Variants in CLEC5A observed in about 807,000 individuals in gnomAD.
CLEC5A encodes C-type lectin domain containing 5A.
Under a neutral mutation model 24.4 loss-of-function variants are expected in CLEC5A, and 15 were observed. The ratio of observed to expected loss-of-function variants is 0.62; its 90% confidence interval spans 0.41 to 0.95. The LOEUF (loss-of-function observed/expected upper bound fraction) is 0.95. Among genes scored for constraint, CLEC5A ranks in the 40% least tolerant of loss-of-function variants. The pLI is 0.00. For missense variants in CLEC5A, 211 were observed against 224.0 expected (o/e 0.94, Z 0.37); for synonymous variants, 71 against 72.6 (o/e 0.98, Z 0.11).
chr7:141,936,180 TC>T, intron 4 of CLEC5A: 1 of 527,218 alleles, frequency 1.9e-6, no homozygotes, highest in East Asian at 3.4e-5. Context: ...CCATTAGTCA[TC>T]CCCCTACAGG....
intron 1 of CLEC5A, 150 bp downstream of exon 1, chr7:141,946,657 C>T (rs902269002): frequency 9.5e-6 from 2 of 210,168 alleles, no homozygotes; most frequent in African/African-American, 2.3e-5. Context: ...TCCCAAGGAC[C>T]TTAGTCTGTA....
At chr7:141,933,575 C>CATATATATATATATATATAT (rs3043785) in intron 5 of CLEC5A, among the ~76,000 whole-genome samples, 4 of 115,238 alleles carry the variant, frequency 3.5e-5, no homozygotes, top group African/African-American at 1.7e-4. Context: ...AGGGAGCAGG[C>CATATATATATATATATATAT]ATATATATAT....
chr7:141,945,409 A>G lies in CLEC5A; in HGVS notation c.80-9T>C. On this transcript the variant is annotated splice_polypyrimidine_tract_variant and intron_variant, in intron 2 of 6. Transcript: ENST00000546910. ...GTTAAAAATCTGTGGGACTGAAAAG[A>G]AAATCAGCTGTTGGCTCAGCCCCAA... is the stretch of plus-strand genomic sequence containing the variant. 6.2e-7 allele frequency: 1 copy of G among 1,608,890 alleles called. No homozygotes were observed. The highest frequency in any genetic ancestry group is 2.2e-5 in the East Asian group (1 of 44,820).
intron 4 of CLEC5A, chr7:141,936,179 A>C: frequency 1.9e-6 from 1 of 534,148 alleles, no homozygotes; most frequent in Non-Finnish European, 3.3e-6. Context: ...TCCATTAGTC[A>C]TCCCCCTACA....
At chr7:141,940,079 C>A (rs189520201) in intron 4 of CLEC5A, among the ~76,000 whole-genome samples, 6 of 152,120 alleles carry the variant, frequency 3.9e-5, no homozygotes, top group Admixed American at 6.5e-5. Context: ...TACTATAGAC[C>A]AAATGAACAT....
At chr7:141,937,595 G>A (rs1025466161) in intron 4 of CLEC5A, among the ~76,000 whole-genome samples, 1 of 152,206 alleles carries the variant, frequency 6.6e-6, no homozygotes, top group Admixed American at 6.5e-5. Flanking sequence ...AGGGCCTGGT[G>A]GAACTCACTG....
chr7:141,940,393 A>G (rs1802750304), intron 4 of CLEC5A, among the ~76,000 whole-genome samples: 1 of 151,982 alleles, frequency 6.6e-6, no homozygotes, highest in South Asian at 2.1e-4. Flanking sequence ...ACAAATGATA[A>G]TGAAAACACA....
chr7:141,932,452 T>C (rs949366976), intron 5 of CLEC5A, among the ~76,000 whole-genome samples: 9 of 152,368 alleles, frequency 5.9e-5, no homozygotes, highest in African/African-American at 1.9e-4. Context: ...ACAAATCATT[T>C]CAGCCAGAAG....
chr7:141,935,038 G>T (rs1437121195), intron 5 of CLEC5A, among the ~76,000 whole-genome samples: 31 of 152,060 alleles, frequency 2.0e-4, no homozygotes, highest in Admixed American at 2.0e-3. Flanking sequence ...TGGGTACTTA[G>T]CCCTAGAGGG....
intron 6 of CLEC5A, chr7:141,931,483 G>A: frequency 1.9e-6 from 1 of 514,480 alleles, no homozygotes; most frequent in East Asian, 3.1e-5. Flanking sequence ...ATCTTGATAT[G>A]AATAAAATAA....
chr7:141,930,027 A>G lies in CLEC5A; in HGVS notation c.*77T>C. The G allele has an allele frequency of 8.6e-7, 1 of 1,163,196 alleles. No homozygotes were observed. Among genetic ancestry groups the G allele is most frequent in the Non-Finnish European group, 1.3e-6 (1 of 796,544 alleles). 72.1% of individuals were successfully genotyped at this position (1,163,196 alleles called of 1,614,324 possible). A position where few individuals can be genotyped will look rare whatever the true frequency, so the allele number is the denominator to read the frequency against. On this transcript the variant is annotated 3_prime_UTR_variant, in exon 7 of 7. Coordinates refer to ENST00000546910, the MANE Select transcript of CLEC5A (RefSeq NM_013252.3). ...GCTACTGGTAGACAGATAGGTAAGT[A>G]AAAGAATCATTGGCCAGACGACCTG...
At chr7:141,940,502 C>T (rs1050578950) in intron 4 of CLEC5A, among the ~76,000 whole-genome samples, 1 of 151,252 alleles carries the variant, frequency 6.6e-6, no homozygotes, top group African/African-American at 2.4e-5. Context: ...AACCAAAAAC[C>T]TGATGACAAA....
intron 5 of CLEC5A, among the ~76,000 whole-genome samples, chr7:141,934,917 G>T (rs1347641625): frequency 6.6e-6 from 1 of 152,128 alleles, no homozygotes. Context: ...AACTTAATGG[G>T]TGTGGCAGAC....
At chr7:141,944,948 C>T (rs1003657444) in intron 3 of CLEC5A, among the ~76,000 whole-genome samples, 17 of 152,078 alleles carry the variant, frequency 1.1e-4, no homozygotes, top group Admixed American at 8.5e-4. Flanking sequence ...TTTCTCCTAA[C>T]GATGTCAGTA....
At chr7:141,938,761 T>C (rs782077414) in intron 4 of CLEC5A, among the ~76,000 whole-genome samples, 6 of 152,124 alleles carry the variant, frequency 3.9e-5, no homozygotes, top group Admixed American at 3.9e-4. Context: ...GCAAATAATA[T>C]ACAGTGGAGC....
rs958820338 is a variant in CLEC5A, at chr7:141,928,480, G to A, written c.*1624C>T. On this transcript the variant is annotated 3_prime_UTR_variant, in exon 7 of 7. Coordinates refer to ENST00000546910, the MANE Select transcript of CLEC5A (RefSeq NM_013252.3). ...ACTCAGCCTTTCTTCCCTTCTCAAC[G>A]GTAGCACTTATCCTTTCCCAACACA... is the stretch of plus-strand genomic sequence containing the variant. 6.6e-6 allele frequency: 1 copy of A among 151,924 alleles called. No homozygotes were observed. Among genetic ancestry groups the A allele is most frequent in the Non-Finnish European group, 1.5e-5 (1 of 67,974 alleles). The allele number at this position is 151,924 out of a possible 1,614,324, so 9.4% of individuals were successfully genotyped here. A position where few individuals can be genotyped will look rare whatever the true frequency, so the allele number is the denominator to read the frequency against.
rs1041669095 is a variant in CLEC5A at position 141,928,797 on chromosome 7, T to C, written c.*1307A>G. ...TGCTACATTGTTATTAGACACAAAA[T>C]GGTATGTGCTGTACTTTGGTGACTA... On this transcript the variant is annotated 3_prime_UTR_variant, in exon 7 of 7. Transcript: ENST00000546910. 4.6e-5 allele frequency: 7 copies of C among 152,228 alleles called. No individual in the cohort carries two copies. The highest frequency in any genetic ancestry group is 1.4e-4 in the African/African-American group (6 of 41,458). 9.4% of individuals were successfully genotyped at this position (152,228 alleles called of 1,614,324 possible).
Position 141,943,764 on chromosome 7 carries a change from T to C in CLEC5A, c.208+132A>G, listed in dbSNP as rs988430413. ...GCCAAAATAATATGTACAAAGAGAA[T>C]GAACTGGAAGGTCGTTATGGTCCCT... On this transcript the variant is annotated intron_variant, in intron 4 of 6. Transcript: ENST00000546910. 2.5e-5 allele frequency: 17 copies of C among 680,154 alleles called. No homozygotes were observed. The African/African-American group carries it at 2.5e-4, about 10-fold the overall frequency. 42.1% of individuals were successfully genotyped at this position (680,154 alleles called of 1,614,324 possible).
At chr7:141,933,653 G>T (rs1802532639) in intron 5 of CLEC5A, among the ~76,000 whole-genome samples, 2 of 143,644 alleles carry the variant, frequency 1.4e-5, no homozygotes, top group South Asian at 4.3e-4. Context: ...CTCATGCTTA[G>T]CTCAGAGCCA....
Sources: gnomAD v4.1 joint callset for allele counts (sites outside exome capture counted in the v4.1 genomes callset) on GRCh38, gnomAD v4.1.1 for gene constraint, MANE v1.5 for transcripts, NCBI Gene and HGNC (gene_info 2026-07-23, HGNC 2026-07-21) for gene names.